DEK: variants seen among roughly 807,000 people sequenced by gnomAD.
The protein encoded by DEK is DEK proto-oncogene.
A neutral mutation model predicts 46.8 loss-of-function variants in DEK; 28 were observed. That is an observed-to-expected ratio of 0.60 (90% CI 0.44 to 0.82). The LOEUF is 0.82. DEK is among the 40% of genes least tolerant of loss of function. DEK has a pLI of 0.00. For missense variants in DEK, 416 were observed against 430.6 expected, an observed-to-expected ratio of 0.97 and a Z score of 0.30; for synonymous variants, 160 against 144.5, an observed-to-expected ratio of 1.11 and a Z score of -0.77.
At chr6:18,263,477 T>C (rs896085077) in intron 2 of DEK, among the ~76,000 whole-genome samples, 2 of 151,202 alleles carry the variant, frequency 1.3e-5, no homozygotes, top group Non-Finnish European at 3.0e-5. Flanking sequence ...AGGACAAAAT[T>C]AGAACATCCA....
intron 4 of DEK, among the ~76,000 whole-genome samples, chr6:18,257,724 G>GA (rs1240942002): frequency 1.6e-4 from 23 of 140,638 alleles, no homozygotes; most frequent in South Asian, 6.7e-4. Flanking sequence ...TTAAAAGAAA[G>GA]AAAAAAAAAA....
intron 7 of DEK, among the ~76,000 whole-genome samples, chr6:18,237,860 CTTTTT>C (rs60332682): frequency 7.9e-4 from 70 of 88,502 alleles, no homozygotes; most frequent in African/African-American, 3.1e-3. Context: ...CAACTGGAAT[CTTTTT>C]TTTTTTTTTT....
chr6:18,254,353 TAACAAC>T (rs748580888), intron 6 of DEK, among the ~76,000 whole-genome samples: 3 of 151,620 alleles, frequency 2.0e-5, no homozygotes, highest in Non-Finnish European at 2.9e-5. Context: ...ACAACAACAG[TAACAAC>T]AACAACAACA....
At position 18,244,455 on chromosome 6, in the gene DEK, C is replaced by T. The variant is rs751852026; in HGVS notation, c.762+5196G>A. 352 of 917,514 alleles carry T rather than the reference C, an allele frequency of 3.8e-4. 1 individual carries two copies. Among genetic ancestry groups the T allele is most frequent in the Non-Finnish European group, 5.1e-4 (335 of 654,138 alleles). 56.8% of individuals were successfully genotyped at this position (917,514 alleles called of 1,614,324 possible). On this transcript the variant is annotated intron_variant, in intron 7 of 10. Transcript: ENST00000652689. ...TGAAGGTACAGAATCAGAGGAATGA[C>T]ATAAGCACTTTTTGAAGGAAGGCAA...
intron 1 of DEK, 180 bp from the exon 2 acceptor site, chr6:18,264,176 C>A: frequency 2.1e-6 from 1 of 476,906 alleles, no homozygotes. Flanking sequence ...TCCGCCGCCG[C>A]CGTCCAGGGA....
intron 9 of DEK, among the ~76,000 whole-genome samples, chr6:18,227,269 G>A (rs1048876029): frequency 5.3e-5 from 8 of 151,956 alleles, no homozygotes; most frequent in South Asian, 4.1e-4. Context: ...GGAATGTCTC[G>A]GTATAAAACC....
intron 7 of DEK, among the ~76,000 whole-genome samples, chr6:18,247,466 A>C (rs1430388558): frequency 6.6e-6 from 1 of 152,206 alleles, no homozygotes; most frequent in East Asian, 1.9e-4. Flanking sequence ...TCATCAATTG[A>C]CCTGGGTTTC....
chr6:18,226,014 A>C, intron 10 of DEK, 160 bp downstream of exon 10: 5 of 803,482 alleles, frequency 6.2e-6, no homozygotes, highest in Non-Finnish European at 9.1e-6. Context: ...TTTAAGCTTT[A>C]AAGTGGGAAT....
intron 6 of DEK, among the ~76,000 whole-genome samples, chr6:18,250,568 C>CTTTTTTTT (rs70974716): frequency 1.6e-5 from 1 of 62,820 alleles, no homozygotes; most frequent in African/African-American, 6.8e-5. Context: ...GGAGAAAAAC[C>CTTTTTTTT]TTTTTTTTTT....
At chr6:18,228,084 C>T (rs1790217459) in intron 9 of DEK, among the ~76,000 whole-genome samples, 1 of 152,138 alleles carries the variant, frequency 6.6e-6, no homozygotes, top group South Asian at 2.1e-4. Flanking sequence ...CTGCAAGCAC[C>T]CTGTAGGCTT....
chr6:18,245,971 C>T (rs1035828896), intron 7 of DEK, among the ~76,000 whole-genome samples: 2 of 152,264 alleles, frequency 1.3e-5, no homozygotes, highest in Non-Finnish European at 2.9e-5. Flanking sequence ...CTCTTGCTTG[C>T]TGCCGCGTAA....
intron 7 of DEK, among the ~76,000 whole-genome samples, chr6:18,239,002 G>C (rs972758104): frequency 4.1e-4 from 62 of 151,990 alleles, no homozygotes; most frequent in African/African-American, 1.3e-3. Flanking sequence ...TCGGCTCACC[G>C]CAACCTCTGC....
chr6:18,250,805 A>C (rs1255921855), intron 6 of DEK, among the ~76,000 whole-genome samples: 2 of 152,090 alleles, frequency 1.3e-5, no homozygotes, highest in African/African-American at 2.4e-5. Context: ...CATAAAAAAA[A>C]TGTATAACTT....
intron 9 of DEK, among the ~76,000 whole-genome samples, chr6:18,233,384 C>T (rs1790495770): frequency 6.6e-6 from 1 of 152,034 alleles, no homozygotes; most frequent in African/African-American, 2.4e-5. Flanking sequence ...TTCTGCACAG[C>T]AAAAGAAACT....
chr6:18,251,201 T>C (rs1023212274), intron 6 of DEK, among the ~76,000 whole-genome samples: 2 of 152,248 alleles, frequency 1.3e-5, no homozygotes, highest in Non-Finnish European at 2.9e-5. Context: ...TTTATATTCT[T>C]TTATTTCTAC....
intron 9 of DEK, among the ~76,000 whole-genome samples, chr6:18,230,486 C>A (rs1790364250): frequency 6.6e-6 from 1 of 152,114 alleles, no homozygotes; most frequent in African/African-American, 2.4e-5. Flanking sequence ...GGAGACCCAT[C>A]TCATGTGCAG....
At chr6:18,239,184 A>T (rs922529450) in intron 7 of DEK, among the ~76,000 whole-genome samples, 1 of 152,082 alleles carries the variant, frequency 6.6e-6, no homozygotes, top group Admixed American at 6.6e-5. Flanking sequence ...TTGGTCTCTC[A>T]AAGTGCTGGG....
intron 2 of DEK, 113 bp downstream of exon 2, chr6:18,263,730 C>T (rs1791976329): frequency 3.8e-6 from 6 of 1,592,104 alleles, no homozygotes; most frequent in Non-Finnish European, 2.6e-6. Flanking sequence ...CTGAAAATCA[C>T]TCCGACTTCA....
At chr6:18,250,241 G>A (rs1365594435) in intron 6 of DEK, among the ~76,000 whole-genome samples, 14 of 152,000 alleles carry the variant, frequency 9.2e-5, no homozygotes, top group South Asian at 4.1e-4. Flanking sequence ...ACGCCGAGGC[G>A]GGCAGATCAT....
Sources: allele counts gnomAD v4.1 joint callset (sites outside exome capture counted in the v4.1 genomes callset), GRCh38; gene constraint gnomAD v4.1.1; transcripts MANE v1.5; gene names NCBI Gene and HGNC (gene_info 2026-07-23, HGNC 2026-07-21).